CCSER1: variants seen among roughly 807,000 people sequenced by gnomAD.
The protein encoded by CCSER1 is coiled-coil serine rich protein 1.
In CCSER1, 41 loss-of-function variants were observed where a neutral mutation model predicts 82.0. That is an observed-to-expected ratio of 0.50 (90% CI 0.39 to 0.65). The LOEUF is 0.65. CCSER1 is among the 30% of genes least tolerant of loss of function. The probability of loss-of-function intolerance (pLI) is 0.00; values close to 1 mark genes in which losing one functional copy is unlikely to be tolerated. For missense variants in CCSER1, 1,119 were observed against 1,064.2 expected (o/e 1.05, Z -0.72); for synonymous variants, 414 against 383.9 (o/e 1.08, Z -0.92).
intron 4 of CCSER1, among the ~76,000 whole-genome samples, chr4:90,449,720 C>T (rs992488050): frequency 8.5e-5 from 13 of 152,206 alleles, no homozygotes; most frequent in Non-Finnish European, 1.5e-4. Context: ...AACTTTGCTC[C>T]GAAATCAGAG....
intron 1 of CCSER1, among the ~76,000 whole-genome samples, chr4:90,156,976 T>C (rs145969600): frequency 0.02 from 3,093 of 152,246 alleles, 98 homozygotes; most frequent in African/African-American, 0.069. Flanking sequence ...CCTCGATGGT[T>C]TTTACAATTT....
intron 5 of CCSER1, among the ~76,000 whole-genome samples, chr4:90,617,037 A>T (rs1721411055): frequency 6.6e-6 from 1 of 152,174 alleles, no homozygotes; most frequent in Non-Finnish European, 1.5e-5. Flanking sequence ...ATAAGAATTG[A>T]TTATTAAAAT....
chr4:90,533,152 C>A (rs1774826193), intron 5 of CCSER1, among the ~76,000 whole-genome samples: 1 of 142,904 alleles, frequency 7.0e-6, no homozygotes, highest in African/African-American at 2.6e-5. Flanking sequence ...AGTGCAGCAG[C>A]GCGATCTCGG....
At chr4:90,291,143 A>G (rs1308024611) in intron 1 of CCSER1, among the ~76,000 whole-genome samples, 1 of 152,058 alleles carries the variant, frequency 6.6e-6, no homozygotes, top group African/African-American at 2.4e-5. Flanking sequence ...CTTGATTGAA[A>G]TAAGGACATA....
At chr4:90,900,065 A>C (rs1314774179) in intron 8 of CCSER1, among the ~76,000 whole-genome samples, 1 of 143,640 alleles carries the variant, frequency 7.0e-6, no homozygotes, top group Admixed American at 7.0e-5. Context: ...ATCTGATAGA[A>C]TTCTGCTGTG....
intron 3 of CCSER1, among the ~76,000 whole-genome samples, chr4:90,394,196 G>T (rs551717062): frequency 2.6e-4 from 39 of 151,260 alleles, no homozygotes; most frequent in Non-Finnish European, 5.0e-4. Context: ...CAAACATAAG[G>T]GGCTGATTTA....
intron 4 of CCSER1, among the ~76,000 whole-genome samples, chr4:90,427,193 T>G (rs1757642128): frequency 6.6e-6 from 1 of 151,962 alleles, no homozygotes; most frequent in African/African-American, 2.4e-5. Flanking sequence ...GTCACTTAGT[T>G]CTTCCAGGAA....
At chr4:91,254,038 A>G (rs1740480720) in intron 10 of CCSER1, among the ~76,000 whole-genome samples, 1 of 152,220 alleles carries the variant, frequency 6.6e-6, no homozygotes. Flanking sequence ...AGATTTGGTC[A>G]GGGACACAGA....
Position 90,492,372 on chromosome 4 carries a change from A to T in CCSER1, c.1724+24018A>T, listed in dbSNP as rs986487325. Among the ~76,000 whole-genome samples the T allele has an allele frequency of 7.9e-5, 12 of 152,168 alleles. No homozygotes were observed. In the South Asian group the frequency reaches 8.3e-4, roughly 11 times the overall value. ...TGGGATTGGTGGTTATATCCCCTTT[A>T]GCATCTTTTATTGCATCCATTTGAT... is the stretch of plus-strand genomic sequence containing the variant. On this transcript the variant is annotated intron_variant, in intron 5 of 10. Transcript: ENST00000509176.
intron 7 of CCSER1, among the ~76,000 whole-genome samples, chr4:90,786,880 C>T (rs1754590459): frequency 6.6e-6 from 1 of 152,220 alleles, no homozygotes; most frequent in Non-Finnish European, 1.5e-5. Flanking sequence ...AAGTCTGGCC[C>T]TCTGAACATC....
chr4:90,753,614 C>T (rs1749057485), intron 7 of CCSER1, among the ~76,000 whole-genome samples: 1 of 152,088 alleles, frequency 6.6e-6, no homozygotes. Context: ...ACCTAGACTA[C>T]TGCAGTGGTT....
chr4:90,203,444 A>G (rs4428251), intron 1 of CCSER1, among the ~76,000 whole-genome samples: 93,395 of 151,976 alleles, frequency 0.61, 30,098 homozygotes, highest in East Asian at 0.83. Context: ...AGAACATGCA[A>G]TGTTTAGTTT....
intron 6 of CCSER1, among the ~76,000 whole-genome samples, chr4:90,668,401 C>A (rs765800089): frequency 1.3e-4 from 20 of 152,054 alleles, no homozygotes; most frequent in Non-Finnish European, 1.9e-4. Context: ...AGAAAAAGAG[C>A]CATCTTTTAA....
intron 8 of CCSER1, among the ~76,000 whole-genome samples, chr4:90,892,091 A>G (rs1580959320): frequency 6.6e-6 from 1 of 152,106 alleles, no homozygotes; most frequent in Non-Finnish European, 1.5e-5. Flanking sequence ...TTTGTTTTTT[A>G]TCTTGTTAAA....
At chr4:90,641,181 C>T (rs946195837) in intron 6 of CCSER1, among the ~76,000 whole-genome samples, 2 of 151,396 alleles carry the variant, frequency 1.3e-5, no homozygotes, top group Admixed American at 1.3e-4. Context: ...ATTCTTATGC[C>T]CACAAAAAAT....
chr4:91,120,036 T>C (rs1450099682), intron 10 of CCSER1, among the ~76,000 whole-genome samples: 2 of 151,998 alleles, frequency 1.3e-5, no homozygotes, highest in East Asian at 3.9e-4. Flanking sequence ...ATGTGATGAC[T>C]AAAATAGTTT....
chr4:90,815,319 G>A (rs1024267054), intron 7 of CCSER1, among the ~76,000 whole-genome samples: 8 of 152,074 alleles, frequency 5.3e-5, no homozygotes, highest in Middle Eastern at 3.2e-3. Flanking sequence ...ATTACAATTC[G>A]TGATGAGATT....
rs759536279 is a variant in CCSER1 at position 91,598,950 on chromosome 4, C to A, written c.2596C>A (p.Pro866Thr). 1.2e-4 allele frequency: 186 copies of A among 1,551,428 alleles called. No individual in the cohort carries two copies. The highest frequency in any genetic ancestry group is 1.5e-4 in the Non-Finnish European group (174 of 1,146,916). Residue 866 changes from proline to threonine, a missense_variant, in exon 11 of 11, where the codon CCA becomes ACA. By Grantham distance (38) the Pro-to-Thr change is conservative. Coordinates refer to ENST00000509176, the MANE Select transcript of CCSER1 (RefSeq NM_001145065.2). ...GACCTTTACAGGCAGGTTTGGACAG[C>A]CACCCAGAGGGCCAATCTCTTTACA... is the stretch of plus-strand genomic sequence containing the variant. ...HSTFTGRFGQ[P>T]PRGPISLHMY...
At chr4:90,142,111 GT>G in intron 1 of CCSER1, among the ~76,000 whole-genome samples, 1 of 152,226 alleles carries the variant, frequency 6.6e-6, no homozygotes, top group South Asian at 2.1e-4. Context: ...GTGTTTCTGT[GT>G]TTTTATTCAA....
Sources: gnomAD v4.1 joint callset for allele counts (sites outside exome capture counted in the v4.1 genomes callset) on GRCh38, gnomAD v4.1.1 for gene constraint, MANE v1.5 for transcripts, NCBI Gene and HGNC (gene_info 2026-07-23, HGNC 2026-07-21) for gene names.